The following CPA3 variants were observed in gnomAD, a reference collection of about 807,000 sequenced individuals.
The protein encoded by CPA3 is carboxypeptidase A3.
In CPA3, 52 loss-of-function variants were observed where a neutral mutation model predicts 55.8. The observed-to-expected ratio is 0.93, with a 90% CI of 0.75 to 1.17. The LOEUF (loss-of-function observed/expected upper bound fraction) is 1.17. CPA3 is among the 50% of genes most tolerant of loss of function. The probability of loss-of-function intolerance (pLI) is 0.00; values close to 1 mark genes in which losing one functional copy is unlikely to be tolerated. For synonymous variants in CPA3, 179 were observed against 171.2 expected (o/e 1.05, Z -0.36); for missense variants, 547 against 509.1 (o/e 1.07, Z -0.72).
At chr3:148,894,467 C>CAAAAAAAA (rs11338734) in intron 10 of CPA3, among the ~76,000 whole-genome samples, 1 of 146,934 alleles carries the variant, frequency 6.8e-6, no homozygotes, top group Admixed American at 6.7e-5. Context: ...ACAGAAAGAA[C>CAAAAAAAA]AAAAAAAAAA....
chr3:148,868,139 C>T (rs1369428839), intron 2 of CPA3, among the ~76,000 whole-genome samples: 1 of 152,166 alleles, frequency 6.6e-6, no homozygotes, highest in Non-Finnish European at 1.5e-5. Context: ...AGGTGATCCG[C>T]ACCTCAGCCT....
chr3:148,870,642 C>G (rs1480737404), intron 3 of CPA3, among the ~76,000 whole-genome samples: 3 of 151,664 alleles, frequency 2.0e-5, no homozygotes, highest in Non-Finnish European at 4.4e-5. Context: ...GCACATGTAC[C>G]CTAGAACTTA....
intron 5 of CPA3, 146 bp downstream of exon 5, chr3:148,878,894 T>C (rs532080433): frequency 1.9e-5 from 11 of 580,108 alleles, no homozygotes; most frequent in Admixed American, 1.1e-4. Flanking sequence ...CATTAAAGAA[T>C]AGAAATGACA....
intron 8 of CPA3, among the ~76,000 whole-genome samples, chr3:148,883,167 T>C (rs1714416612): frequency 6.6e-6 from 1 of 152,214 alleles, no homozygotes; most frequent in African/African-American, 2.4e-5. Context: ...CCTGAGCTTT[T>C]AACTGTATTC....
Position 148,879,165 on chromosome 3 carries a change from A to G in CPA3, c.474+417A>G, listed in dbSNP as rs544121558. Among the ~76,000 whole-genome samples the G allele has an allele frequency of 6.2e-4, 94 of 152,342 alleles. No individual in the cohort carries two copies. In the South Asian group the frequency reaches 0.018, roughly 29 times the overall value. ...ACCATGGATTGCTTGAGGGTTCCCT[A>G]TATCAGAGCCAACAATTTCCACTCC... On this transcript the variant is annotated intron_variant, in intron 5 of 10. Coordinates refer to ENST00000296046, the MANE Select transcript of CPA3 (RefSeq NM_001870.4).
intron 8 of CPA3, among the ~76,000 whole-genome samples, chr3:148,882,815 C>G (rs563615985): frequency 6.6e-6 from 1 of 151,984 alleles, no homozygotes; most frequent in African/African-American, 2.4e-5. Context: ...CCATCTCTTA[C>G]TTACTATATC....
intron 5 of CPA3, 46 bp downstream of exon 5, chr3:148,878,794 C>A: frequency 8.5e-7 from 1 of 1,174,052 alleles, no homozygotes; most frequent in Non-Finnish European, 1.2e-6. Context: ...TGTTGAAAAA[C>A]ATGAATTTAA....
In CPA3 at chr3:148,879,892, A is replaced by G; in HGVS notation, c.576+3A>G. On this transcript the variant is annotated splice_donor_region_variant and intron_variant, in intron 6 of 10. Coordinates refer to ENST00000296046, the MANE Select transcript of CPA3 (RefSeq NM_001870.4). Reference sequence around the variant, plus strand: ...TCTGCCAGTGGTTTGTCTATCAGGTAAGTGAATCAGAAGACTCCCAATTCT... The same window carrying G: ...TCTGCCAGTGGTTTGTCTATCAGGTGAGTGAATCAGAAGACTCCCAATTCT... The G allele has an allele frequency of 6.2e-7, 1 of 1,602,738 alleles. No homozygotes were observed. Among genetic ancestry groups the G allele is most frequent in the Non-Finnish European group, 8.5e-7 (1 of 1,169,962 alleles).
At chr3:148,890,132 C>G (rs6440573) in intron 10 of CPA3, among the ~76,000 whole-genome samples, 146,241 of 152,304 alleles carry the variant, frequency 0.96, 70,231 homozygotes, top group Middle Eastern at 0.97. Context: ...CAGCATTCAA[C>G]ACCAGAGTTA....
intron 7 of CPA3, 123 bp from the exon 8 acceptor site, chr3:148,882,382 G>A (rs1322048190): frequency 5.0e-6 from 3 of 604,212 alleles, no homozygotes; most frequent in South Asian, 2.5e-5. Flanking sequence ...ATAATAAAGG[G>A]CCTCAAGTTA....
chr3:148,885,687 G>T, intron 9 of CPA3, among the ~76,000 whole-genome samples: 1 of 152,050 alleles, frequency 6.6e-6, no homozygotes, highest in East Asian at 1.9e-4. Context: ...TGGGATTACA[G>T]GCGTGAGCCA....
At chr3:148,879,003 A>G (rs1714288150) in intron 5 of CPA3, among the ~76,000 whole-genome samples, 1 of 144,568 alleles carries the variant, frequency 6.9e-6, no homozygotes, top group Non-Finnish European at 1.5e-5. Flanking sequence ...CAGCTTTATT[A>G]CAAGAGTCCA....
At chr3:148,870,305 T>C (rs1053012110) in intron 3 of CPA3, among the ~76,000 whole-genome samples, 8 of 151,980 alleles carry the variant, frequency 5.3e-5, no homozygotes, top group African/African-American at 9.7e-5. Context: ...CCTGACTTGG[T>C]ACTTTAACTC....
rs141199706 is a variant in CPA3, at chr3:148,877,132, C to T, written c.270-1309C>T. 8.4e-3 allele frequency among the ~76,000 whole-genome samples: 1,279 copies of T among 152,270 alleles called. 10 individuals are homozygous for T. The highest frequency in any genetic ancestry group is 0.015 in the Non-Finnish European group (987 of 68,018). On this transcript the variant is annotated intron_variant, in intron 3 of 10. Transcript: ENST00000296046. ...CAGAGGAGAGTCAAGTATAAGTGAC[C>T]ATCAGGTGACCATTACAGCCACTGG...
At chr3:148,888,423 A>G (rs945364979) in intron 10 of CPA3, among the ~76,000 whole-genome samples, 5 of 152,262 alleles carry the variant, frequency 3.3e-5, no homozygotes, top group Admixed American at 3.3e-4. Flanking sequence ...CAGCATCCAC[A>G]TAGATCTTGC....
At chr3:148,896,297 C>A (rs577883616) in intron 10 of CPA3, among the ~76,000 whole-genome samples, 1 of 152,276 alleles carries the variant, frequency 6.6e-6, no homozygotes, top group African/African-American at 2.4e-5. Flanking sequence ...ACTCACCCAA[C>A]CAAAATGTAA....
At chr3:148,868,741 A>G (rs998170829) in intron 2 of CPA3, among the ~76,000 whole-genome samples, 174 bp from the exon 3 acceptor site, 10 of 152,112 alleles carry the variant, frequency 6.6e-5, no homozygotes, top group Admixed American at 2.0e-4. Context: ...CTAATATTCA[A>G]CAGTTCTTAA....
chr3:148,889,570 A>T (rs866709849), intron 10 of CPA3, among the ~76,000 whole-genome samples: 4 of 152,156 alleles, frequency 2.6e-5, no homozygotes, highest in Non-Finnish European at 5.9e-5. Context: ...CTGACTTCCC[A>T]TTAGAATCAT....
intron 3 of CPA3, among the ~76,000 whole-genome samples, 161 bp from the exon 4 acceptor site, chr3:148,878,280 A>G (rs1371578360): frequency 6.6e-6 from 1 of 152,220 alleles, no homozygotes; most frequent in Non-Finnish European, 1.5e-5. Context: ...AGCCAGACAC[A>G]TGATATGTCT....
Sources: gnomAD v4.1 joint callset for allele counts (sites outside exome capture counted in the v4.1 genomes callset) on GRCh38, gnomAD v4.1.1 for gene constraint, MANE v1.5 for transcripts, NCBI Gene and HGNC (gene_info 2026-07-23, HGNC 2026-07-21) for gene names.